Variants in FBXL4 observed in about 807,000 individuals in gnomAD.
FBXL4 encodes the protein F-box/LRR-repeat protein 4.
Under a neutral mutation model 58.9 loss-of-function variants are expected in FBXL4, and 40 were observed. That is an observed-to-expected ratio of 0.68 (90% CI 0.53 to 0.88). The LOEUF is 0.88. FBXL4 is among the 40% of genes least tolerant of loss of function. The probability of loss-of-function intolerance (pLI) is 0.00; values close to 1 mark genes in which losing one functional copy is unlikely to be tolerated. For missense variants in FBXL4, 676 were observed against 734.4 expected (o/e 0.92, Z 0.92); for synonymous variants, 263 against 265.5 (o/e 0.99, Z 0.09).
intron 2 of FBXL4, among the ~76,000 whole-genome samples, chr6:98,928,246 GACA>G (rs1772867342): frequency 6.6e-6 from 1 of 151,936 alleles, no homozygotes; most frequent in Admixed American, 6.6e-5. Context: ...AACTTTTGTT[GACA>G]ACAAGGAACT....
At chr6:98,915,908 C>T (rs195813) in intron 5 of FBXL4, among the ~76,000 whole-genome samples, 45,382 of 150,792 alleles carry the variant, frequency 0.3, 7,634 homozygotes, top group East Asian at 0.68. Flanking sequence ...AGAAAATTTT[C>T]GCAACCTACT....
chr6:98,917,783 T>C lies in FBXL4; in HGVS notation c.513-64A>G. The C allele has an allele frequency of 8.5e-6, 10 of 1,171,706 alleles. No individual in the cohort carries two copies. The South Asian group carries it at 1.4e-4, about 17-fold the overall frequency. The allele number at this position is 1,171,706 out of a possible 1,614,324, so 72.6% of individuals were successfully genotyped here. On this transcript the variant is annotated intron_variant, in intron 4 of 9. Coordinates refer to ENST00000369244, the MANE Select transcript of FBXL4 (RefSeq NM_001278716.2). ...ATGAGATCTACTGGTCCCTTAAGGT[T>C]ATAGACCCATGCCCAATATGTCACA...
At chr6:98,916,965 A>G (rs1479907230) in intron 5 of FBXL4, among the ~76,000 whole-genome samples, 2 of 152,134 alleles carry the variant, frequency 1.3e-5, no homozygotes, top group Non-Finnish European at 2.9e-5. Flanking sequence ...GATTAAACAG[A>G]ATAAGCATTC....
intron 5 of FBXL4, among the ~76,000 whole-genome samples, chr6:98,907,385 G>T (rs1771854841): frequency 6.6e-6 from 1 of 152,214 alleles, no homozygotes; most frequent in South Asian, 2.1e-4. Flanking sequence ...AACCAGCCAT[G>T]GGGCTAATAC....
At chr6:98,918,975 C>T (rs1305672581) in intron 4 of FBXL4, among the ~76,000 whole-genome samples, 1 of 151,692 alleles carries the variant, frequency 6.6e-6, no homozygotes, top group Non-Finnish European at 1.5e-5. Flanking sequence ...ATAAATTGTT[C>T]GTTTATTTCC....
At chr6:98,903,232 T>C (rs1415725246) in intron 6 of FBXL4, among the ~76,000 whole-genome samples, 2 of 152,144 alleles carry the variant, frequency 1.3e-5, no homozygotes, top group Admixed American at 6.5e-5. Context: ...CCATGCATAT[T>C]TATTGTTTAT....
chr6:98,877,576 T>A (rs763313823), intron 8 of FBXL4, among the ~76,000 whole-genome samples: 68 of 152,202 alleles, frequency 4.5e-4, no homozygotes, highest in Admixed American at 1.0e-3. Flanking sequence ...TTATTAACTA[T>A]AATTCCTTCT....
chr6:98,927,835 AGTT>A lies in FBXL4; in HGVS notation c.-190-16_-190-14del. On this transcript the variant is annotated splice_polypyrimidine_tract_variant and intron_variant, in intron 2 of 9. Transcript: ENST00000369244. Reference sequence around the variant, plus strand: ...GACATTCTTTTACCTGTAAGAAAAGAGTTTTGGAAAATATTTTTATGTCCAAGT... The same window carrying A: ...GACATTCTTTTACCTGTAAGAAAAGATTGGAAAATATTTTTATGTCCAAGT... The A allele has an allele frequency of 6.6e-6, 1 of 152,360 alleles. No individual in the cohort carries two copies. Among genetic ancestry groups the A allele is most frequent in the Non-Finnish European group, 1.5e-5 (1 of 68,034 alleles). The allele number at this position is 152,360 out of a possible 1,614,324, so 9.4% of individuals were successfully genotyped here.
At chr6:98,900,178 T>C (rs780387336) in intron 6 of FBXL4, among the ~76,000 whole-genome samples, 28 of 152,148 alleles carry the variant, frequency 1.8e-4, no homozygotes, top group Non-Finnish European at 3.5e-4. Flanking sequence ...GGGGGAAAAA[T>C]AGTCCTGTCT....
chr6:98,943,294 CG>C (rs1201755406), intron 1 of FBXL4, among the ~76,000 whole-genome samples: 1 of 151,586 alleles, frequency 6.6e-6, no homozygotes, highest in Non-Finnish European at 1.5e-5. Flanking sequence ...AATTCCAGGC[CG>C]GGCACAGTGG....
chr6:98,874,867 TA>T (rs769816942), intron 9 of FBXL4, among the ~76,000 whole-genome samples: 6 of 152,194 alleles, frequency 3.9e-5, no homozygotes, highest in Non-Finnish European at 8.8e-5. Flanking sequence ...CACCCCTGGC[TA>T]AAAGTAAGAA....
At chr6:98,895,923 C>T (rs1054828147) in intron 7 of FBXL4, among the ~76,000 whole-genome samples, 2 of 151,908 alleles carry the variant, frequency 1.3e-5, no homozygotes, top group Non-Finnish European at 2.9e-5. Flanking sequence ...AGTTAATATG[C>T]TATAATACAA....
In FBXL4 at chr6:98,873,355, TA is replaced by T. The variant is rs1770546412; in HGVS notation, c.*922del. 6.7e-6 allele frequency: 1 copy of T among 148,330 alleles called. No homozygotes were observed. Among genetic ancestry groups the T allele is most frequent in the Non-Finnish European group, 1.5e-5 (1 of 67,282 alleles). 9.2% of individuals were successfully genotyped at this position (148,330 alleles called of 1,614,324 possible). A position where few individuals can be genotyped will look rare whatever the true frequency, so the allele number is the denominator to read the frequency against. On this transcript the variant is annotated 3_prime_UTR_variant, in exon 10 of 10. Coordinates refer to ENST00000369244, the MANE Select transcript of FBXL4 (RefSeq NM_001278716.2). The stretch of plus-strand genomic sequence containing the variant: ...ATATATTATCTATAATATGTATATA[TA>T]ATGTGTATATATAATATATATCTCC...
chr6:98,910,573 C>G (rs887992560), intron 5 of FBXL4, among the ~76,000 whole-genome samples: 3 of 151,732 alleles, frequency 2.0e-5, no homozygotes, highest in African/African-American at 7.3e-5. Flanking sequence ...AGGAGAATGG[C>G]ATGAACCCAG....
At chr6:98,916,334 A>T (rs1051073751) in intron 5 of FBXL4, among the ~76,000 whole-genome samples, 11 of 152,138 alleles carry the variant, frequency 7.2e-5, no homozygotes, top group African/African-American at 1.9e-4. Flanking sequence ...CCCAAAGGAC[A>T]ATAAATCATG....
intron 4 of FBXL4, 42 bp downstream of exon 4, chr6:98,926,435 C>T (rs1772781022): frequency 6.6e-7 from 1 of 1,524,386 alleles, no homozygotes; most frequent in African/African-American, 1.4e-5. Context: ...CAACCAAAAC[C>T]TTTCTACCAT....
intron 1 of FBXL4, among the ~76,000 whole-genome samples, chr6:98,938,920 A>G (rs551125569): frequency 9.8e-4 from 148 of 151,762 alleles, no homozygotes; most frequent in Non-Finnish European, 1.9e-3. Context: ...CTGCCTCTAC[A>G]AAAATAAAAA....
chr6:98,887,356 G>A (rs1771075693), intron 7 of FBXL4, among the ~76,000 whole-genome samples: 1 of 152,200 alleles, frequency 6.6e-6, no homozygotes, highest in Non-Finnish European at 1.5e-5. Context: ...CTGTTCTTCA[G>A]AGAAATCACA....
chr6:98,929,584 A>G (rs1353802356), intron 2 of FBXL4, among the ~76,000 whole-genome samples: 9 of 151,688 alleles, frequency 5.9e-5, no homozygotes, highest in Admixed American at 2.0e-4. Context: ...AAAAAAAAAA[A>G]AAAGAAAGAA....
Sources: allele counts gnomAD v4.1 joint callset (sites outside exome capture counted in the v4.1 genomes callset), GRCh38; gene constraint gnomAD v4.1.1; transcripts MANE v1.5; gene names NCBI Gene and HGNC (gene_info 2026-07-23, HGNC 2026-07-21).